Variants in ANKS1B observed in about 807,000 individuals in gnomAD.
The protein encoded by ANKS1B is ankyrin repeat and sterile alpha motif domain-containing protein 1B.
A neutral mutation model predicts 148.3 loss-of-function variants in ANKS1B; 36 were observed. That is an observed-to-expected ratio of 0.24 (90% CI 0.19 to 0.32). The LOEUF is 0.32. Ranked by LOEUF, ANKS1B falls within the 10% of genes least tolerant of loss-of-function variation. The pLI, the probability that ANKS1B is intolerant of heterozygous loss-of-function variation, is 1.00. For synonymous variants in ANKS1B, 542 were observed against 560.8 expected (o/e 0.97, Z 0.47); for missense variants, 1,157 against 1,542.6 (o/e 0.75, Z 4.19).
At chr12:98,800,178 A>C (rs2098989391) in intron 21 of ANKS1B, among the ~76,000 whole-genome samples, 1 of 151,574 alleles carries the variant, frequency 6.6e-6, no homozygotes, top group Non-Finnish European at 1.5e-5. Context: ...GCTGCAATAT[A>C]AGTAAGCTTT....
intron 21 of ANKS1B, 67 bp downstream of exon 21, chr12:98,800,930 G>A (rs2099000014): frequency 8.6e-6 from 13 of 1,518,124 alleles, no homozygotes; most frequent in Non-Finnish European, 1.2e-5. Flanking sequence ...CAATGTAAAT[G>A]CAAACAAGCT....
intron 9 of ANKS1B, among the ~76,000 whole-genome samples, chr12:99,520,909 G>T (rs1249179980): frequency 6.6e-6 from 1 of 152,096 alleles, no homozygotes; most frequent in Non-Finnish European, 1.5e-5. Flanking sequence ...CGATTCTCCT[G>T]CTTCAGCCTT....
chr12:99,781,503 C>A lies in ANKS1B; in HGVS notation c.745+519G>T, dbSNP rs552591437. 7.2e-5 allele frequency among the ~76,000 whole-genome samples: 11 copies of A among 152,254 alleles called. No individual in the cohort carries two copies. The South Asian group carries it at 2.3e-3, about 32-fold the overall frequency. On this transcript the variant is annotated intron_variant, in intron 5 of 26. Transcript: ENST00000683438. ...AGCCAACTTTATTGTTCCTTCAAAG[C>A]ACTCCCTTTAAAAGGTTCCCTTTAA...
At chr12:99,852,886 T>A (rs2088201898) in intron 1 of ANKS1B, among the ~76,000 whole-genome samples, 1 of 152,084 alleles carries the variant, frequency 6.6e-6, no homozygotes, top group Non-Finnish European at 1.5e-5. Context: ...ACAGTGTGAG[T>A]GAGACTGGCC....
chr12:98,965,180 C>T (rs1232143057), intron 17 of ANKS1B, among the ~76,000 whole-genome samples: 1 of 152,148 alleles, frequency 6.6e-6, no homozygotes, highest in Non-Finnish European at 1.5e-5. Context: ...AAATAGCAGA[C>T]ATTGTTCCAG....
intron 12 of ANKS1B, among the ~76,000 whole-genome samples, chr12:99,308,997 C>T (rs1037748387): frequency 2.7e-5 from 4 of 150,810 alleles, no homozygotes; most frequent in African/African-American, 7.3e-5. Flanking sequence ...GATGTGTATA[C>T]TACAGGTATT....
chr12:99,852,719 C>A (rs117304843), intron 1 of ANKS1B, among the ~76,000 whole-genome samples: 1 of 152,326 alleles, frequency 6.6e-6, no homozygotes, highest in East Asian at 1.9e-4. Flanking sequence ...AATGCACAGA[C>A]CCTTTGAAGA....
intron 17 of ANKS1B, among the ~76,000 whole-genome samples, chr12:98,873,339 CT>C: frequency 6.6e-6 from 1 of 152,296 alleles, no homozygotes; most frequent in South Asian, 2.1e-4. Flanking sequence ...CTAAGACTTA[CT>C]CGTTAAGTGT....
intron 12 of ANKS1B, among the ~76,000 whole-genome samples, chr12:99,327,839 T>A (rs2086779494): frequency 6.6e-6 from 1 of 151,840 alleles, no homozygotes; most frequent in Non-Finnish European, 1.5e-5. Flanking sequence ...CTGTTGCTAA[T>A]ATTTTTATAT....
chr12:99,217,193 C>G (rs141088209), intron 14 of ANKS1B, among the ~76,000 whole-genome samples: 1 of 152,104 alleles, frequency 6.6e-6, no homozygotes, highest in Non-Finnish European at 1.5e-5. Flanking sequence ...AAAAAATGTA[C>G]GTTAACCTCT....
chr12:99,974,944 T>C (rs141681786), intron 1 of ANKS1B, among the ~76,000 whole-genome samples: 92 of 152,176 alleles, frequency 6.0e-4, no homozygotes, highest in Admixed American at 2.2e-3. Flanking sequence ...AGAATCACTA[T>C]GTATGGCAGG....
intron 4 of ANKS1B, among the ~76,000 whole-genome samples, chr12:99,784,409 T>C (rs1352986713): frequency 6.6e-6 from 1 of 152,062 alleles, no homozygotes; most frequent in African/African-American, 2.4e-5. Context: ...CCTGACCTCA[T>C]GATCCACCCG....
At chr12:99,113,154 G>A (rs144015748) in intron 15 of ANKS1B, among the ~76,000 whole-genome samples, 1 of 152,186 alleles carries the variant, frequency 6.6e-6, no homozygotes, top group African/African-American at 2.4e-5. Context: ...CCAATATAGG[G>A]TGATACTAAT....
At chr12:99,903,344 T>C (rs1182987126) in intron 1 of ANKS1B, among the ~76,000 whole-genome samples, 1 of 152,154 alleles carries the variant, frequency 6.6e-6, no homozygotes, top group Non-Finnish European at 1.5e-5. Context: ...AGTTCTTCCC[T>C]ATGATTTTCA....
At chr12:99,201,498 A>T (rs1184337601) in intron 14 of ANKS1B, among the ~76,000 whole-genome samples, 1 of 152,194 alleles carries the variant, frequency 6.6e-6, no homozygotes, top group African/African-American at 2.4e-5. Context: ...AAAGCTTCTT[A>T]TTTCTGGAAC....
chr12:98,970,208 T>A (rs937060225), intron 17 of ANKS1B, among the ~76,000 whole-genome samples: 2 of 152,254 alleles, frequency 1.3e-5, no homozygotes, highest in African/African-American at 4.8e-5. Flanking sequence ...ATGATAGTTT[T>A]CTTTAACCTG....
chr12:98,920,745 C>T (rs981245812), intron 17 of ANKS1B, among the ~76,000 whole-genome samples: 1 of 152,176 alleles, frequency 6.6e-6, no homozygotes, highest in African/African-American at 2.4e-5. Context: ...GGTCCATGTA[C>T]CTCATCAACT....
At chr12:99,371,990 T>C (rs2093160842) in intron 12 of ANKS1B, among the ~76,000 whole-genome samples, 1 of 152,152 alleles carries the variant, frequency 6.6e-6, no homozygotes, top group Non-Finnish European at 1.5e-5. Context: ...GAGGGATGAC[T>C]AGGCAAAGCA....
intron 19 of ANKS1B, among the ~76,000 whole-genome samples, chr12:98,808,931 G>T (rs2099072230): frequency 6.6e-6 from 1 of 152,140 alleles, no homozygotes; most frequent in Non-Finnish European, 1.5e-5. Context: ...ACCATAATAT[G>T]GTTAAGAGGC....
Sources: allele counts gnomAD v4.1 joint callset (sites outside exome capture counted in the v4.1 genomes callset), GRCh38; gene constraint gnomAD v4.1.1; transcripts MANE v1.5; gene names NCBI Gene and HGNC (gene_info 2026-07-23, HGNC 2026-07-21).